Variants in SIAH1 observed in about 807,000 individuals in gnomAD.
The protein encoded by SIAH1 is E3 ubiquitin-protein ligase SIAH1.
A neutral mutation model predicts 20.0 loss-of-function variants in SIAH1; 2 were observed. The ratio of observed to expected loss-of-function variants is 0.10; its 90% confidence interval spans 0.04 to 0.31. The LOEUF is 0.31. Ranked by LOEUF, SIAH1 falls within the 10% of genes least tolerant of loss-of-function variation. The pLI, the probability that SIAH1 is intolerant of heterozygous loss-of-function variation, is 1.00. For missense variants in SIAH1, 119 were observed against 355.3 expected, an observed-to-expected ratio of 0.33 and a Z score of 5.35; for synonymous variants, 118 against 125.3, an observed-to-expected ratio of 0.94 and a Z score of 0.39.
chr16:48,386,199 T>C (rs143546649), upstream of SIAH1, among the ~76,000 whole-genome samples: 295 of 152,284 alleles, frequency 1.9e-3, 1 homozygote, highest in African/African-American at 6.8e-3. Context: ...TGGAATTCCA[T>C]GTAAGATCTA....
In SIAH1 at chr16:48,362,458, G is replaced by A. The variant is rs1378457719; in HGVS notation, c.-2-28C>T. 2.8e-5 allele frequency: 45 copies of A among 1,606,588 alleles called. No individual in the cohort carries two copies. The highest frequency in any genetic ancestry group is 3.7e-5 in the Non-Finnish European group (44 of 1,175,048). ...GAAATAAATACATAAGGAGGCAGGA[G>A]AAAAATAATTATAACCATGACTTAC... On this transcript the variant is annotated intron_variant, in intron 1 of 1. Transcript: ENST00000394725. The surrounding 1 kb of genome is among the most constrained non-coding windows in gnomAD (Gnocchi z 4.2).
intron 1 of SIAH1, among the ~76,000 whole-genome samples, chr16:48,367,302 G>A (rs1960867216): frequency 6.6e-6 from 1 of 152,126 alleles, no homozygotes; most frequent in South Asian, 2.1e-4. Flanking sequence ...ACAAAAAGAT[G>A]ACTGATTATT....
intron 1 of SIAH1, among the ~76,000 whole-genome samples, chr16:48,373,174 T>G (rs1272983451): frequency 6.6e-6 from 1 of 152,206 alleles, no homozygotes; most frequent in Non-Finnish European, 1.5e-5. Flanking sequence ...TGTACACTGG[T>G]ACTTTGGTGA....
intron 1 of SIAH1, among the ~76,000 whole-genome samples, chr16:48,375,593 A>G (rs1268077783): frequency 1.3e-5 from 2 of 152,056 alleles, no homozygotes; most frequent in Non-Finnish European, 2.9e-5. Flanking sequence ...AGATGAGATC[A>G]GGCCAACTGC....
chr16:48,384,618 G>A (rs1224917771), intron 1 of SIAH1, among the ~76,000 whole-genome samples: 2 of 151,900 alleles, frequency 1.3e-5, no homozygotes, highest in Admixed American at 6.5e-5. Flanking sequence ...GCGGCAGGAA[G>A]AGCGCAGCCC....
chr16:48,369,684 A>G (rs889459690), intron 1 of SIAH1, among the ~76,000 whole-genome samples: 2 of 152,190 alleles, frequency 1.3e-5, no homozygotes, highest in South Asian at 2.1e-4. Flanking sequence ...AAAGGCTGCA[A>G]TGAGCTATGT....
At chr16:48,369,353 A>G (rs750765448) in intron 1 of SIAH1, among the ~76,000 whole-genome samples, 17 of 152,252 alleles carry the variant, frequency 1.1e-4, no homozygotes, top group Non-Finnish European at 1.8e-4. Context: ...AACAGAAGAC[A>G]AAGAGGAAAG....
Position 48,381,058 on chromosome 16 carries a change from G to C in SIAH1, c.-3+4146C>G, listed in dbSNP as rs995487670. 6.6e-5 allele frequency among the ~76,000 whole-genome samples: 10 copies of C among 151,772 alleles called. 1 individual carries two copies. In the East Asian group the frequency reaches 1.2e-3, roughly 18 times the overall value. ...GCAAAATGGTACAGCCAATCTGGAA[G>C]ACAGTTTGGCAATTTCTTACAAAAC... On this transcript the variant is annotated intron_variant, in intron 1 of 1. Transcript: ENST00000394725.
upstream of SIAH1, among the ~76,000 whole-genome samples, chr16:48,385,721 C>A (rs959060145): frequency 6.6e-6 from 1 of 152,052 alleles, no homozygotes. Flanking sequence ...GCTCCTCCCG[C>A]GGCGCTTTGT....
At chr16:48,378,523 C>A (rs1250560235) in intron 1 of SIAH1, among the ~76,000 whole-genome samples, 6 of 152,196 alleles carry the variant, frequency 3.9e-5, no homozygotes, top group African/African-American at 1.4e-4. Context: ...GTTACAATAG[C>A]GTTCCTTTTG....
intron 1 of SIAH1, among the ~76,000 whole-genome samples, chr16:48,373,774 C>T (rs11648245): frequency 0.013 from 1,923 of 152,324 alleles, 16 homozygotes; most frequent in Non-Finnish European, 0.019. Flanking sequence ...AAGCTGAAAT[C>T]CTAAAAATAG....
intron 1 of SIAH1, among the ~76,000 whole-genome samples, chr16:48,375,235 G>C (rs1961078770): frequency 6.6e-6 from 1 of 152,194 alleles, no homozygotes; most frequent in Admixed American, 6.5e-5. Flanking sequence ...TCCTAAGAAA[G>C]TGGTTAAATT....
chr16:48,380,147 A>AAT (rs1567376784), intron 1 of SIAH1, among the ~76,000 whole-genome samples: 1 of 152,244 alleles, frequency 6.6e-6, no homozygotes, highest in Non-Finnish European at 1.5e-5. Context: ...TGTTATCCAA[A>AAT]ATATGCAAAC....
At chr16:48,369,391 G>T (rs2151049351) in intron 1 of SIAH1, among the ~76,000 whole-genome samples, 1 of 152,298 alleles carries the variant, frequency 6.6e-6, no homozygotes, top group Non-Finnish European at 1.5e-5. Context: ...TGTGTTCAAA[G>T]CAAAATACAA....
At chr16:48,386,989 A>C (rs1961480302), upstream of SIAH1, 1 of 152,220 alleles carries the variant, frequency 6.6e-6, no homozygotes, top group African/African-American at 2.4e-5. Context: ...CCTCTACCCA[A>C]CAGCATTTGT....
rs761279463 is a variant in SIAH1 at position 48,360,584 on chromosome 16, AT to A, written c.*995del. The A allele has an allele frequency of 9.2e-5, 14 of 152,652 alleles. No individual in the cohort carries two copies. The highest frequency in any genetic ancestry group is 1.5e-4 in the Non-Finnish European group (10 of 68,044). The allele number at this position is 152,652 out of a possible 1,614,324, so 9.5% of individuals were successfully genotyped here. Reference sequence around the variant, plus strand: ...ATGAGAATTATAAAAGACCAAAAACATTTTTTGCAAACTGCCTTTTTAAACA... The same window carrying A: ...ATGAGAATTATAAAAGACCAAAAACATTTTTGCAAACTGCCTTTTTAAACA... On this transcript the variant is annotated 3_prime_UTR_variant, in exon 2 of 2. Transcript: ENST00000394725.
At chr16:48,383,686 C>T (rs775327380) in intron 1 of SIAH1, among the ~76,000 whole-genome samples, 11 of 152,000 alleles carry the variant, frequency 7.2e-5, no homozygotes, top group Non-Finnish European at 1.3e-4. Context: ...CATTCAAATC[C>T]CCGGCCACAG....
rs1241909287 is a variant in SIAH1 at position 48,385,208 on chromosome 16, G to A, written c.-7C>T. 4.6e-5 allele frequency: 15 copies of A among 324,542 alleles called. No homozygotes were observed. Among genetic ancestry groups the A allele is most frequent in the Admixed American group, 3.3e-4 (10 of 30,632 alleles). 20.1% of individuals were successfully genotyped at this position (324,542 alleles called of 1,614,324 possible). ...CTCAGGCCGGGCCCCACTTACCTGTGGGCGGAGAGCGCGCCTCGGACCCCG... is the reference window on the plus strand; with the variant it reads ...CTCAGGCCGGGCCCCACTTACCTGTAGGCGGAGAGCGCGCCTCGGACCCCG... On this transcript the variant is annotated 5_prime_UTR_variant, in exon 1 of 2. Transcript: ENST00000394725.
chr16:48,383,178 T>A (rs1209718152), intron 1 of SIAH1, among the ~76,000 whole-genome samples: 1 of 152,224 alleles, frequency 6.6e-6, no homozygotes, highest in African/African-American at 2.4e-5. Flanking sequence ...CGTATTTCAG[T>A]TTAAAATATT....
Sources: allele counts gnomAD v4.1 joint callset (sites outside exome capture counted in the v4.1 genomes callset), GRCh38; gene constraint gnomAD v4.1.1; non-coding constraint Gnocchi (gnomAD v3.1); transcripts MANE v1.5; gene names NCBI Gene and HGNC (gene_info 2026-07-23, HGNC 2026-07-21).